Variants in SAMD12 observed in about 807,000 individuals in gnomAD.
SAMD12 encodes the protein sterile alpha motif domain containing 12, also known as sterile alpha motif domain-containing protein 12.
A neutral mutation model predicts 15.0 loss-of-function variants in SAMD12; 9 were observed. That is an observed-to-expected ratio of 0.60 (90% confidence interval 0.36 to 1.05). The LOEUF (loss-of-function observed/expected upper bound fraction) is 1.05. Among genes scored for constraint, SAMD12 ranks in the 50% least tolerant of loss-of-function variants. The probability of loss-of-function intolerance (pLI) is 0.01; values close to 1 mark genes in which losing one functional copy is unlikely to be tolerated. For missense variants in SAMD12, 230 were observed against 234.2 expected (o/e 0.98, Z 0.12); for synonymous variants, 86 against 90.1 (o/e 0.96, Z 0.25).
At chr8:118,244,651 C>T (rs1812645315) in intron 4 of SAMD12, among the ~76,000 whole-genome samples, 1 of 151,994 alleles carries the variant, frequency 6.6e-6, no homozygotes, top group Non-Finnish European at 1.5e-5. Flanking sequence ...AAAGAGGGAA[C>T]CATCTTTGTT....
intron 4 of SAMD12, among the ~76,000 whole-genome samples, chr8:118,362,042 T>C (rs1440204192): frequency 6.6e-6 from 1 of 151,880 alleles, no homozygotes; most frequent in Non-Finnish European, 1.5e-5. Flanking sequence ...AAATTTCTAA[T>C]AGCTCTTCCA....
intron 4 of SAMD12, among the ~76,000 whole-genome samples, chr8:118,267,096 C>T (rs1165731538): frequency 1.3e-5 from 2 of 152,040 alleles, no homozygotes; most frequent in Non-Finnish European, 2.9e-5. Context: ...CTAACATATA[C>T]ATTTTGTACT....
the SAMD12 span, among the ~76,000 whole-genome samples, chr8:118,152,998 G>A: frequency 2.0e-5 from 3 of 152,170 alleles, no homozygotes; most frequent in Non-Finnish European, 4.4e-5. Flanking sequence ...CATTTGATAA[G>A]CAGTGGGCTA....
At chr8:118,506,439 GTC>G (rs1297298216) in intron 2 of SAMD12, among the ~76,000 whole-genome samples, 1 of 152,136 alleles carries the variant, frequency 6.6e-6, no homozygotes, top group Non-Finnish European at 1.5e-5. Flanking sequence ...CCTTCTGACA[GTC>G]TCTGTCTTGC....
At chr8:118,560,789 T>C (rs974440209) in intron 2 of SAMD12, among the ~76,000 whole-genome samples, 2 of 151,972 alleles carry the variant, frequency 1.3e-5, no homozygotes, top group African/African-American at 4.8e-5. Flanking sequence ...AATCCAAATA[T>C]CAGTAATACC....
chr8:118,526,981 T>C (rs147804540), intron 2 of SAMD12, among the ~76,000 whole-genome samples: 15 of 152,292 alleles, frequency 9.8e-5, no homozygotes, highest in Admixed American at 2.6e-4. Flanking sequence ...CCAAATGTCT[T>C]TCAGAATGCA....
At chr8:118,553,250 C>G (rs1293465204) in intron 2 of SAMD12, among the ~76,000 whole-genome samples, 3 of 152,126 alleles carry the variant, frequency 2.0e-5, no homozygotes, top group Non-Finnish European at 4.4e-5. Flanking sequence ...AAGAACAAAG[C>G]TGGAGGCATC....
chr8:118,278,857 C>T (rs868855089), intron 4 of SAMD12, among the ~76,000 whole-genome samples: 3 of 152,162 alleles, frequency 2.0e-5, no homozygotes, highest in South Asian at 2.1e-4. Flanking sequence ...TTCCATTACA[C>T]GTAGCCATGC....
chr8:118,325,498 A>G (rs1047994067), intron 4 of SAMD12, among the ~76,000 whole-genome samples: 1 of 152,148 alleles, frequency 6.6e-6, no homozygotes, highest in Non-Finnish European at 1.5e-5. Flanking sequence ...ATATTTTGAC[A>G]TATGTGTACC....
At chr8:118,264,044 G>A (rs1320461310) in intron 4 of SAMD12, among the ~76,000 whole-genome samples, 1 of 152,004 alleles carries the variant, frequency 6.6e-6, no homozygotes, top group East Asian at 1.9e-4. Context: ...CTAAACATAA[G>A]CTTTAGGTTT....
chr8:118,310,980 G>A lies in SAMD12; in HGVS notation c.433+68580C>T, dbSNP rs1040780604. On this transcript the variant is annotated intron_variant, in intron 4 of 4. Coordinates refer to the SAMD12 transcript ENST00000409003. ...AGAAAGATTTTAATGCATGTTTATA[G>A]GAATAAGCATTTGGCTAGTCTCCAC... Among the ~76,000 whole-genome samples the A allele has an allele frequency of 2.6e-5, 4 of 152,134 alleles. No homozygotes were observed. In the East Asian group the frequency reaches 7.7e-4, roughly 29 times the overall value.
chr8:118,284,496 C>G, intron 4 of SAMD12: 1 of 368,300 alleles, frequency 2.7e-6, no homozygotes, highest in Admixed American at 3.3e-5. Flanking sequence ...AATAGTCCCT[C>G]TTACTCTTTC....
the SAMD12 span, among the ~76,000 whole-genome samples, chr8:118,179,273 A>T: frequency 1.3e-5 from 2 of 152,186 alleles, no homozygotes; most frequent in East Asian, 3.9e-4. Flanking sequence ...TCCCATCTCT[A>T]CTAAAAATAC....
At chr8:118,284,029 TC>T (rs1813797802) in intron 4 of SAMD12, among the ~76,000 whole-genome samples, 1 of 152,194 alleles carries the variant, frequency 6.6e-6, no homozygotes, top group South Asian at 2.1e-4. Context: ...CAAAGATGAC[TC>T]TGAGTCATAG....
At chr8:118,497,570 G>T (rs1342769966) in intron 2 of SAMD12, among the ~76,000 whole-genome samples, 1 of 152,054 alleles carries the variant, frequency 6.6e-6, no homozygotes, top group Non-Finnish European at 1.5e-5. Context: ...CGACTTGACA[G>T]GGGAGTGTGG....
chr8:118,133,398 A>G, the SAMD12 span, among the ~76,000 whole-genome samples: 1 of 151,848 alleles, frequency 6.6e-6, no homozygotes, highest in African/African-American at 2.4e-5. Context: ...GGTTTGTTAC[A>G]TGGGTAAACA....
At chr8:118,170,847 A>G in the SAMD12 span, among the ~76,000 whole-genome samples, 1 of 152,212 alleles carries the variant, frequency 6.6e-6, no homozygotes, top group Non-Finnish European at 1.5e-5. Flanking sequence ...TAAAATTAAG[A>G]ATTTTACACT....
intron 2 of SAMD12, among the ~76,000 whole-genome samples, chr8:118,448,661 C>T (rs900041031): frequency 1.3e-5 from 2 of 152,196 alleles, no homozygotes; most frequent in African/African-American, 4.8e-5. Flanking sequence ...AATGCAGAGC[C>T]AGTCTAGCAC....
chr8:118,310,507 T>C (rs1815574997), intron 4 of SAMD12, among the ~76,000 whole-genome samples: 1 of 152,228 alleles, frequency 6.6e-6, no homozygotes, highest in African/African-American at 2.4e-5. Context: ...CTGAGTTTTC[T>C]GTGGCAGAGC....
Sources: allele counts gnomAD v4.1 joint callset (sites outside exome capture counted in the v4.1 genomes callset), GRCh38; gene constraint gnomAD v4.1.1; transcripts MANE v1.5; gene names NCBI Gene and HGNC (gene_info 2026-07-23, HGNC 2026-07-21).